Variants in RTL4 observed in about 807,000 individuals in gnomAD.
The protein encoded by RTL4 is retrotransposon Gag like 4, also known as retrotransposon Gag-like protein 4.
RTL4 carries 4 observed loss-of-function variants against 5.3 expected under a neutral mutation model. The ratio of observed to expected loss-of-function variants is 0.75; its 90% CI spans 0.37 to 1.72. RTL4 has a LOEUF of 1.72. Among genes scored for constraint, RTL4 ranks in the 40% most tolerant of loss-of-function variants. The probability of loss-of-function intolerance (pLI) is 0.04; values close to 1 mark genes in which losing one functional copy is unlikely to be tolerated. For missense variants in RTL4, 260 were observed against 227.1 expected (o/e 1.14, Z -0.93); for synonymous variants, 98 against 87.3 (o/e 1.12, Z -0.68).
chrX:112,086,565 G>A, the RTL4 span, among the ~76,000 whole-genome samples: 4 of 112,203 alleles, frequency 3.6e-5, no homozygotes, highest in Non-Finnish European at 7.5e-5. Flanking sequence ...GAAAATGCAG[G>A]AGAAAGCATG....
At chrX:112,083,613 A>G in the RTL4 span, among the ~76,000 whole-genome samples, 2 of 111,334 alleles carry the variant, frequency 1.8e-5, no homozygotes, top group African/African-American at 6.5e-5. Flanking sequence ...AGGGAGGGAA[A>G]GTGATATTGT....
the RTL4 span, among the ~76,000 whole-genome samples, chrX:112,120,580 GTT>G: frequency 3.2e-5 from 3 of 92,952 alleles, no homozygotes; most frequent in Non-Finnish European, 2.2e-5. Flanking sequence ...CCCGGCTGGG[GTT>G]TTTTTTTTTT....
chrX:112,330,388 A>G, the RTL4 span, among the ~76,000 whole-genome samples: 1 of 103,363 alleles, frequency 9.7e-6, no homozygotes, highest in African/African-American at 3.8e-5. Context: ...CCAAATCATG[A>G]GTGAACTCCC....
chrX:112,264,711 T>C, the RTL4 span, among the ~76,000 whole-genome samples: 1 of 111,672 alleles, frequency 9.0e-6, no homozygotes. Context: ...TTCCTAGTCA[T>C]CCACCAATCC....
chrX:112,348,680 T>C, the RTL4 span, among the ~76,000 whole-genome samples: 15 of 110,988 alleles, frequency 1.4e-4, no homozygotes, highest in African/African-American at 3.9e-4. Context: ...AGGTTCCATA[T>C]GGCAAAATCT....
the RTL4 span, among the ~76,000 whole-genome samples, chrX:112,172,282 G>A: frequency 9.0e-6 from 1 of 110,977 alleles, no homozygotes; most frequent in South Asian, 3.8e-4. Flanking sequence ...TGGAGATCCT[G>A]CCACTGCACT....
At chrX:112,125,471 T>C in the RTL4 span, among the ~76,000 whole-genome samples, 2 of 111,731 alleles carry the variant, frequency 1.8e-5, no homozygotes, top group African/African-American at 6.5e-5. Flanking sequence ...TCTTGGAAAA[T>C]AGAACATGCC....
the RTL4 span, among the ~76,000 whole-genome samples, chrX:112,278,824 CT>C: frequency 9.1e-5 from 10 of 109,657 alleles, no homozygotes; most frequent in African/African-American, 3.3e-4. Flanking sequence ...AAGTTTCCTC[CT>C]CCCAAAAAAA....
the RTL4 span, among the ~76,000 whole-genome samples, chrX:112,177,851 A>G: frequency 9.0e-6 from 1 of 110,885 alleles, no homozygotes; most frequent in African/African-American, 3.3e-5. Context: ...TTCAGACTTT[A>G]TGGGCCACAC....
chrX:112,092,611 G>C, the RTL4 span, among the ~76,000 whole-genome samples: 7 of 111,566 alleles, frequency 6.3e-5, no homozygotes, highest in Non-Finnish European at 1.3e-4. Context: ...TTGGTTTTGT[G>C]TCCCTACCCA....
the RTL4 span, among the ~76,000 whole-genome samples, chrX:112,223,884 A>C: frequency 2.7e-5 from 3 of 112,099 alleles, no homozygotes; most frequent in Admixed American, 9.4e-5. Context: ...TCCTCAATGG[A>C]GATTTAATAC....
chrX:112,241,204 A>G, the RTL4 span, among the ~76,000 whole-genome samples: 1 of 111,166 alleles, frequency 9.0e-6, no homozygotes, highest in Non-Finnish European at 1.9e-5. Context: ...TTGGGTATGT[A>G]CCCATTAATG....
chrX:112,327,549 C>T, the RTL4 span, among the ~76,000 whole-genome samples: 6 of 108,606 alleles, frequency 5.5e-5, no homozygotes, highest in Middle Eastern at 0.014. Flanking sequence ...CTGAAAGTGA[C>T]GGGGAGAATG....
chrX:112,198,361 A>G, the RTL4 span, among the ~76,000 whole-genome samples: 148 of 111,581 alleles, frequency 1.3e-3, 1 homozygote, highest in Non-Finnish European at 2.5e-3. Context: ...CCAGAGCCTA[A>G]AATGGTACGT....
At chrX:112,197,798 C>T in the RTL4 span, among the ~76,000 whole-genome samples, 1 of 111,401 alleles carries the variant, frequency 9.0e-6, no homozygotes, top group South Asian at 3.8e-4. Context: ...TGTATTTTTG[C>T]ATTTGTTTGT....
chrX:112,232,508 C>T, the RTL4 span, among the ~76,000 whole-genome samples: 2 of 111,917 alleles, frequency 1.8e-5, no homozygotes, highest in African/African-American at 3.2e-5. Flanking sequence ...TTATTTGACT[C>T]TTAGTGATTG....
the RTL4 span, among the ~76,000 whole-genome samples, chrX:112,405,610 A>C: frequency 1.8e-4 from 20 of 111,598 alleles, no homozygotes; most frequent in Non-Finnish European, 3.4e-4. Context: ...TTGAGGTAGT[A>C]GATGGAGGCT....
At chrX:112,318,374 A>G in the RTL4 span, among the ~76,000 whole-genome samples, 3 of 111,756 alleles carry the variant, frequency 2.7e-5, no homozygotes, top group South Asian at 7.5e-4. Context: ...TACCATCATC[A>G]GATTTGTACA....
chrX:112,416,013 CAG>C, the RTL4 span, among the ~76,000 whole-genome samples: 6 of 112,113 alleles, frequency 5.4e-5, no homozygotes, highest in South Asian at 2.2e-3. Flanking sequence ...AAGGTGTTGA[CAG>C]AGTCAGGCTC....
Sources: gnomAD v4.1 joint callset for allele counts (sites outside exome capture counted in the v4.1 genomes callset) on GRCh38, gnomAD v4.1.1 for gene constraint, MANE v1.5 for transcripts, NCBI Gene and HGNC (gene_info 2026-07-23, HGNC 2026-07-21) for gene names.